CSMD1: variants seen among roughly 807,000 people sequenced by gnomAD.
CSMD1 encodes CUB and Sushi multiple domains 1, also known as CUB and sushi domain-containing protein 1.
Under a neutral mutation model 417.5 loss-of-function variants are expected in CSMD1, and 213 were observed. That is an observed-to-expected ratio of 0.51 (90% CI 0.46 to 0.57). CSMD1 has a LOEUF of 0.57. CSMD1 is among the 20% of genes least tolerant of loss of function. CSMD1 has a pLI of 0.00. For synonymous variants in CSMD1, 2,862 were observed against 1,736.8 expected (o/e 1.65, Z -16.11); for missense variants, 6,923 against 4,529.7 (o/e 1.53, Z -15.17).
intron 1 of CSMD1, among the ~76,000 whole-genome samples, chr8:4,712,478 C>T (rs911188934): frequency 6.6e-6 from 1 of 152,162 alleles, no homozygotes; most frequent in African/African-American, 2.4e-5. Flanking sequence ...CATGTCAAAG[C>T]AGAAATGGCT....
At chr8:4,642,836 G>C (rs1803282789) in intron 1 of CSMD1, among the ~76,000 whole-genome samples, 1 of 152,180 alleles carries the variant, frequency 6.6e-6, no homozygotes. Flanking sequence ...GGACATCAAA[G>C]ATATTTTGAC....
rs182910636 is a variant in CSMD1 at position 3,848,181 on chromosome 8, C to T, written c.819-94139G>A. Among the ~76,000 whole-genome samples the T allele has an allele frequency of 2.6e-5, 4 of 152,068 alleles. No individual in the cohort carries two copies. In the East Asian group the frequency reaches 7.7e-4, roughly 29 times the overall value. ...ATGAGAAGTTGGCATTTTTTACAGG[C>T]AAAAGCCAATGTCAGGAACAATCAG... is the stretch of plus-strand genomic sequence containing the variant. On this transcript the variant is annotated intron_variant, in intron 5 of 69. Coordinates refer to ENST00000635120, the MANE Select transcript of CSMD1 (RefSeq NM_033225.6).
chr8:3,847,459 T>C (rs1484473554), intron 5 of CSMD1, among the ~76,000 whole-genome samples: 1 of 152,078 alleles, frequency 6.6e-6, no homozygotes. Flanking sequence ...CCTGAGCATC[T>C]CAGCCCTATA....
At chr8:4,035,476 G>A (rs1274757200) in intron 3 of CSMD1, among the ~76,000 whole-genome samples, 8 of 142,500 alleles carry the variant, frequency 5.6e-5, no homozygotes, top group Non-Finnish European at 1.5e-5. Context: ...ATTATCCTAG[G>A]AGATGAAAGC....
At chr8:3,319,310 C>G (rs1374270516) in intron 23 of CSMD1, among the ~76,000 whole-genome samples, 1 of 152,252 alleles carries the variant, frequency 6.6e-6, no homozygotes. Context: ...GGGATTAGAA[C>G]CACTGCAGAG....
Position 3,372,396 on chromosome 8 carries a change from C to T in CSMD1, c.2783-3026G>A, listed in dbSNP as rs371527475. Among the ~76,000 whole-genome samples the T allele has an allele frequency of 4.1e-4, 63 of 152,190 alleles. No individual in the cohort carries two copies. In the East Asian group the frequency reaches 8.7e-3, roughly 21 times the overall value. ...GGATGGCCCTGCCTAGAAAACGACA[C>T]GATCTCATGACCTACCTGGGGTTTA... On this transcript the variant is annotated intron_variant, in intron 18 of 69. Coordinates refer to ENST00000635120, the MANE Select transcript of CSMD1 (RefSeq NM_033225.6).
intron 26 of CSMD1, among the ~76,000 whole-genome samples, chr8:3,257,874 C>T (rs1800777293): frequency 6.6e-6 from 1 of 152,000 alleles, no homozygotes; most frequent in African/African-American, 2.4e-5. Context: ...GATCCAGGGG[C>T]CATTGCTGGG....
At chr8:4,863,038 G>A (rs1387828894) in intron 1 of CSMD1, among the ~76,000 whole-genome samples, 2 of 152,056 alleles carry the variant, frequency 1.3e-5, no homozygotes, top group Non-Finnish European at 1.5e-5. Flanking sequence ...CGACCCTTGG[G>A]CTTGACAATG....
At chr8:4,216,234 C>T (rs1230853145) in intron 3 of CSMD1, among the ~76,000 whole-genome samples, 1 of 152,048 alleles carries the variant, frequency 6.6e-6, no homozygotes, top group Non-Finnish European at 1.5e-5. Context: ...TGCACATGCC[C>T]TTTTTTTCTG....
At chr8:4,048,053 T>C (rs2130675662) in intron 3 of CSMD1, among the ~76,000 whole-genome samples, 1 of 152,316 alleles carries the variant, frequency 6.6e-6, no homozygotes, top group African/African-American at 2.4e-5. Flanking sequence ...GTAGAATTCA[T>C]TCTTTTCCAA....
chr8:4,968,616 C>G (rs561726422), intron 1 of CSMD1, among the ~76,000 whole-genome samples: 1 of 152,100 alleles, frequency 6.6e-6, no homozygotes, highest in Non-Finnish European at 1.5e-5. Flanking sequence ...TTTCTCTCCC[C>G]TCCCTCAGTG....
intron 26 of CSMD1, among the ~76,000 whole-genome samples, chr8:3,247,205 A>G (rs1268690308): frequency 2.6e-5 from 4 of 152,160 alleles, no homozygotes; most frequent in Non-Finnish European, 5.9e-5. Flanking sequence ...TTTGATATGT[A>G]AAAGTCCTCA....
intron 5 of CSMD1, among the ~76,000 whole-genome samples, chr8:3,869,479 C>T (rs192795583): frequency 6.6e-6 from 1 of 152,292 alleles, no homozygotes; most frequent in East Asian, 1.9e-4. Flanking sequence ...TTGCATTCCC[C>T]TAAATGGCTA....
intron 6 of CSMD1, among the ~76,000 whole-genome samples, chr8:3,721,814 T>G (rs1334271380): frequency 6.6e-6 from 1 of 152,172 alleles, no homozygotes; most frequent in Non-Finnish European, 1.5e-5. Flanking sequence ...AAGCCATTTT[T>G]TGAGAAATTA....
At chr8:4,921,132 AAAAG>A (rs1253036085) in intron 1 of CSMD1, among the ~76,000 whole-genome samples, 1 of 151,726 alleles carries the variant, frequency 6.6e-6, no homozygotes, top group Non-Finnish European at 1.5e-5. Context: ...AAAAGAAAGT[AAAAG>A]AAAGAAAGAA....
At chr8:4,910,137 T>C (rs1204352514) in intron 1 of CSMD1, among the ~76,000 whole-genome samples, 1 of 152,218 alleles carries the variant, frequency 6.6e-6, no homozygotes, top group Non-Finnish European at 1.5e-5. Flanking sequence ...AGTTTTAATG[T>C]TATAATGTTG....
chr8:3,818,052 C>T (rs113877353), intron 5 of CSMD1, among the ~76,000 whole-genome samples: 7,954 of 152,232 alleles, frequency 0.052, 230 homozygotes, highest in South Asian at 0.064. Flanking sequence ...TCGTTCTATT[C>T]GGCTTGGAGC....
intron 4 of CSMD1, among the ~76,000 whole-genome samples, chr8:4,001,698 G>A (rs1249119485): frequency 6.6e-6 from 1 of 152,132 alleles, no homozygotes; most frequent in Non-Finnish European, 1.5e-5. Flanking sequence ...TGAATGAGTG[G>A]ATCATGGAGA....
At chr8:4,841,639 G>C (rs974884748) in intron 1 of CSMD1, among the ~76,000 whole-genome samples, 1 of 152,010 alleles carries the variant, frequency 6.6e-6, no homozygotes, top group Non-Finnish European at 1.5e-5. Context: ...GGTCAGGCGC[G>C]GTGGCTCACG....
Sources: gnomAD v4.1 joint callset for allele counts (sites outside exome capture counted in the v4.1 genomes callset) on GRCh38, gnomAD v4.1.1 for gene constraint, MANE v1.5 for transcripts, NCBI Gene and HGNC (gene_info 2026-07-23, HGNC 2026-07-21) for gene names.